The following PDE4D variants were observed in gnomAD, a reference collection of about 807,000 sequenced individuals.
PDE4D encodes the protein phosphodiesterase 4D.
Under a neutral mutation model 87.4 loss-of-function variants are expected in PDE4D, and 24 were observed. The observed-to-expected ratio is 0.27, with a 90% CI of 0.20 to 0.39. The LOEUF (loss-of-function observed/expected upper bound fraction) is 0.39. Ranked by LOEUF, PDE4D falls within the 10% of genes least tolerant of loss-of-function variation. The pLI is 1.00. For synonymous variants in PDE4D, 384 were observed against 383.2 expected, an observed-to-expected ratio of 1.00 and a Z score of -0.02; for missense variants, 714 against 1,041.0, an observed-to-expected ratio of 0.69 and a Z score of 4.32.
intron 5 of PDE4D, among the ~76,000 whole-genome samples, chr5:59,120,727 T>C (rs190073063): frequency 5.9e-5 from 9 of 151,828 alleles, no homozygotes; most frequent in African/African-American, 2.2e-4. Flanking sequence ...AAAGCAATCC[T>C]GAGCAAAAAG....
intron 2 of PDE4D, among the ~76,000 whole-genome samples, chr5:60,124,654 T>C (rs1778975936): frequency 6.6e-6 from 1 of 152,186 alleles, no homozygotes; most frequent in South Asian, 2.1e-4. Context: ...CAACCTGCCA[T>C]AATATGTCCA....
intron 2 of PDE4D, among the ~76,000 whole-genome samples, chr5:60,131,097 T>G (rs1779528198): frequency 6.6e-6 from 1 of 152,198 alleles, no homozygotes; most frequent in Admixed American, 6.5e-5. Flanking sequence ...AAAACCTCAT[T>G]CACACTCTCT....
chr5:59,053,362 T>TACACATAC (rs1410385872), intron 5 of PDE4D, among the ~76,000 whole-genome samples: 2 of 142,176 alleles, frequency 1.4e-5, no homozygotes, highest in African/African-American at 5.2e-5. Flanking sequence ...TGGGTGTACA[T>TACACATAC]ACACACACAC....
At chr5:60,051,903 C>A (rs763790993) in intron 2 of PDE4D, among the ~76,000 whole-genome samples, 3 of 152,126 alleles carry the variant, frequency 2.0e-5, no homozygotes, top group Non-Finnish European at 4.4e-5. Context: ...TCAGAGTATA[C>A]TATGAACAGC....
chr5:59,461,206 A>T (rs1291609184), intron 1 of PDE4D, among the ~76,000 whole-genome samples: 1 of 152,196 alleles, frequency 6.6e-6, no homozygotes, highest in African/African-American at 2.4e-5. Context: ...GTTTAAAAGC[A>T]TGTTGTAAAT....
chr5:59,405,815 A>G (rs2153616651), intron 1 of PDE4D, among the ~76,000 whole-genome samples: 1 of 152,270 alleles, frequency 6.6e-6, no homozygotes, highest in African/African-American at 2.4e-5. Context: ...TCCTTCATTG[A>G]TATGATGTAT....
intron 1 of PDE4D, among the ~76,000 whole-genome samples, chr5:59,679,040 A>T (rs949180023): frequency 6.6e-6 from 1 of 152,226 alleles, no homozygotes; most frequent in African/African-American, 2.4e-5. Context: ...CTCAGAGAAG[A>T]CTTAGAGACA....
intron 1 of PDE4D, among the ~76,000 whole-genome samples, chr5:60,257,677 A>G (rs992285971): frequency 6.6e-6 from 1 of 151,976 alleles, no homozygotes; most frequent in Non-Finnish European, 1.5e-5. Flanking sequence ...TTCTGCCAGT[A>G]GATGCTGACA....
chr5:59,823,823 T>A (rs542402269), intron 1 of PDE4D, among the ~76,000 whole-genome samples: 3 of 149,516 alleles, frequency 2.0e-5, no homozygotes, highest in African/African-American at 7.4e-5. Flanking sequence ...AGCCATTCTT[T>A]GGGACCTTTG....
At chr5:59,118,705 T>A (rs1243625378) in intron 5 of PDE4D, among the ~76,000 whole-genome samples, 1 of 152,236 alleles carries the variant, frequency 6.6e-6, no homozygotes, top group African/African-American at 2.4e-5. Flanking sequence ...CTCCTCTCTT[T>A]GTGTTTAGAT....
At chr5:59,739,555 G>A (rs958904959) in intron 1 of PDE4D, among the ~76,000 whole-genome samples, 1 of 152,088 alleles carries the variant, frequency 6.6e-6, no homozygotes, top group Admixed American at 6.6e-5. Context: ...AATCAATTGA[G>A]ATAAATTAGA....
intron 1 of PDE4D, among the ~76,000 whole-genome samples, chr5:59,334,985 T>C (rs1777419882): frequency 6.6e-6 from 1 of 152,168 alleles, no homozygotes; most frequent in Non-Finnish European, 1.5e-5. Flanking sequence ...CTCCTCATTT[T>C]TCAGCTTATA....
chr5:60,016,026 T>C (rs1156928093), intron 2 of PDE4D, among the ~76,000 whole-genome samples: 1 of 88,750 alleles, frequency 1.1e-5, no homozygotes, highest in Non-Finnish European at 2.6e-5. Flanking sequence ...TCTCTCTCTC[T>C]GTGTGTGTGT....
intron 1 of PDE4D, among the ~76,000 whole-genome samples, chr5:59,526,516 T>A (rs1195911468): frequency 6.6e-6 from 1 of 152,238 alleles, no homozygotes; most frequent in Admixed American, 6.5e-5. Context: ...ATTCTTATTA[T>A]CTACAACAAT....
intron 5 of PDE4D, among the ~76,000 whole-genome samples, chr5:59,151,792 T>C (rs1428313451): frequency 2.6e-5 from 4 of 151,614 alleles, no homozygotes; most frequent in Non-Finnish European, 4.4e-5. Context: ...TGAGGGAGCA[T>C]GATGAAGGAA....
At chr5:60,302,921 T>C (rs1754050498) in intron 1 of PDE4D, among the ~76,000 whole-genome samples, 1 of 151,850 alleles carries the variant, frequency 6.6e-6, no homozygotes, top group African/African-American at 2.4e-5. Flanking sequence ...CCTCCGCCTC[T>C]CAGGTTCAAG....
rs138401558 is a variant in PDE4D at position 60,150,848 on chromosome 5, T to C, written c.42+34709A>G. 8.6e-3 allele frequency among the ~76,000 whole-genome samples: 1,313 copies of C among 152,228 alleles called. 15 individuals carry two copies. Among genetic ancestry groups the C allele is most frequent in the African/African-American group, 0.029 (1,210 of 41,526 alleles). On this transcript the variant is annotated intron_variant, in intron 2 of 16. Coordinates refer to the PDE4D transcript ENST00000502484. ...CAGAATAAAAGGTAACTAGGCAAAC[T>C]CATGAGTTTGTCTCTACACATGTCA... is the stretch of plus-strand genomic sequence containing the variant.
chr5:59,357,191 A>G (rs964595427), intron 1 of PDE4D, among the ~76,000 whole-genome samples: 4 of 152,116 alleles, frequency 2.6e-5, no homozygotes, highest in African/African-American at 9.7e-5. Context: ...AAAGCACAAC[A>G]CACACACACG....
At chr5:60,224,664 G>A (rs1161098204) in intron 1 of PDE4D, among the ~76,000 whole-genome samples, 1 of 152,114 alleles carries the variant, frequency 6.6e-6, no homozygotes, top group Non-Finnish European at 1.5e-5. Flanking sequence ...TTTGTGGGGA[G>A]CATTCTAAGA....
Sources: gnomAD v4.1 joint callset for allele counts (sites outside exome capture counted in the v4.1 genomes callset) on GRCh38, gnomAD v4.1.1 for gene constraint, MANE v1.5 for transcripts, NCBI Gene and HGNC (gene_info 2026-07-23, HGNC 2026-07-21) for gene names.